The following DENND5A variants were observed in gnomAD, a reference collection of about 807,000 sequenced individuals.
The protein encoded by DENND5A is DENN domain-containing protein 5A.
In DENND5A, 64 loss-of-function variants were observed where a neutral mutation model predicts 140.3. The observed-to-expected ratio is 0.46, with a 90% CI of 0.37 to 0.56. The LOEUF (loss-of-function observed/expected upper bound fraction) is 0.56. Ranked by LOEUF, DENND5A falls within the 20% of genes least tolerant of loss-of-function variation. DENND5A has a pLI of 0.00. For missense variants in DENND5A, 1,292 were observed against 1,593.8 expected, an observed-to-expected ratio of 0.81 and a Z score of 3.22; for synonymous variants, 605 against 607.7, an observed-to-expected ratio of 1.00 and a Z score of 0.07.
intron 1 of DENND5A, among the ~76,000 whole-genome samples, chr11:9,260,200 G>A (rs1363057683): frequency 6.6e-6 from 1 of 152,040 alleles, no homozygotes; most frequent in Non-Finnish European, 1.5e-5. Flanking sequence ...AGTACAAGAT[G>A]AAAGAACCTA....
Position 9,139,816 on chromosome 11 carries a change from T to C in DENND5A, c.3719A>G (p.Asp1240Gly). Residue 1240 changes from aspartate (D) to glycine (G), a missense_variant, in exon 23 of 23, where the codon GAC (aspartate) becomes GGC (glycine). Physicochemically the swap from Asp to Gly is moderately conservative, Grantham distance 94. Around this residue, in one of 4 missense-constraint regions of DENND5A, gnomAD observed 498 missense variants for 689.7 expected, o/e 0.72. Coordinates refer to ENST00000328194, the MANE Select transcript of DENND5A (RefSeq NM_015213.4). ...LLHHWIALLA[D>G]CPITAHMYED... ...ATACATGTGTGCAGTGATGGGGCAG[T>C]CAGCCAGCAGGGCAATCCAGTGGTG... The C allele has an allele frequency of 2.5e-6, 4 of 1,614,116 alleles. No homozygotes were observed. The highest frequency in any genetic ancestry group is 3.4e-6 in the Non-Finnish European group (4 of 1,180,028).
intron 1 of DENND5A, among the ~76,000 whole-genome samples, chr11:9,230,235 T>G (rs1224085965): frequency 1.5e-5 from 1 of 66,102 alleles, no homozygotes. Flanking sequence ...TAATGCTTTT[T>G]TTTTTTTTTT....
At chr11:9,208,292 G>T (rs1441003870) in intron 1 of DENND5A, among the ~76,000 whole-genome samples, 2 of 152,322 alleles carry the variant, frequency 1.3e-5, no homozygotes, top group South Asian at 4.1e-4. Flanking sequence ...TTTCACCTAC[G>T]TGGCCTAACC....
At chr11:9,181,851 CCTCT>C (rs1848742894) in intron 5 of DENND5A, among the ~76,000 whole-genome samples, 1 of 152,118 alleles carries the variant, frequency 6.6e-6, no homozygotes, top group South Asian at 2.1e-4. Flanking sequence ...TTATGATCTC[CCTCT>C]ATGACCCTGG....
At chr11:9,251,168 T>C (rs1209566242) in intron 1 of DENND5A, among the ~76,000 whole-genome samples, 5 of 147,740 alleles carry the variant, frequency 3.4e-5, no homozygotes, top group Non-Finnish European at 7.4e-5. Flanking sequence ...GAAAGAAAGA[T>C]ATCAAGGAAT....
intron 8 of DENND5A, chr11:9,171,489 A>G (rs1208059113): frequency 1.3e-5 from 2 of 152,240 alleles, no homozygotes; most frequent in Non-Finnish European, 2.9e-5. Flanking sequence ...ACTACATCCC[A>G]GAACAAAGAC....
chr11:9,140,100 G>A (rs913353166), intron 22 of DENND5A: 40 of 1,359,322 alleles, frequency 2.9e-5, no homozygotes, highest in South Asian at 1.0e-4. Context: ...TGCCTCCCTC[G>A]CCCTGCCTAG....
At chr11:9,257,172 G>A (rs1247139561) in intron 1 of DENND5A, among the ~76,000 whole-genome samples, 3 of 151,846 alleles carry the variant, frequency 2.0e-5, no homozygotes, top group African/African-American at 4.8e-5. Context: ...ACCACGCCCG[G>A]CTAATTTTTG....
chr11:9,139,504 A>T lies in DENND5A; in HGVS notation c.*167T>A. The T allele has an allele frequency of 1.5e-6, 1 of 653,638 alleles. No homozygotes were observed. Among genetic ancestry groups the T allele is most frequent in the South Asian group, 2.2e-5 (1 of 46,302 alleles). The allele number at this position is 653,638 out of a possible 1,614,324, so 40.5% of individuals were successfully genotyped here. On this transcript the variant is annotated 3_prime_UTR_variant, in exon 23 of 23. Transcript: ENST00000328194. ...GTGTGTAAAAAGCAAATCAGCAAAT[A>T]AACTCTAAAATAGATTATTTATTCC...
At chr11:9,144,577 G>A (rs897832611) in intron 18 of DENND5A, among the ~76,000 whole-genome samples, 2 of 152,030 alleles carry the variant, frequency 1.3e-5, no homozygotes, top group African/African-American at 2.4e-5. Flanking sequence ...GATCACCTGC[G>A]GTCAGGAGTT....
At chr11:9,243,953 A>G (rs1375582133) in intron 1 of DENND5A, among the ~76,000 whole-genome samples, 1 of 152,138 alleles carries the variant, frequency 6.6e-6, no homozygotes, top group Admixed American at 6.6e-5. Flanking sequence ...TTATTGTGAG[A>G]CTACAGTATA....
At chr11:9,152,234 A>C (rs1564883702) in intron 13 of DENND5A, 124 bp downstream of exon 13, 1 of 774,008 alleles carries the variant, frequency 1.3e-6, no homozygotes, top group Non-Finnish European at 2.3e-6. Flanking sequence ...TCCATATTTA[A>C]AAGAGAAAAC....
intron 22 of DENND5A, among the ~76,000 whole-genome samples, chr11:9,140,980 G>A (rs1486504594): frequency 1.3e-5 from 2 of 152,112 alleles, no homozygotes; most frequent in Non-Finnish European, 2.9e-5. Flanking sequence ...TACAAAACTA[G>A]CCAGGCGTGA....
At position 9,142,797 on chromosome 11, in the gene DENND5A, C is replaced by G. The variant is rs1468493182; in HGVS notation, c.3436G>C (p.Ala1146Pro). Residue 1146 changes from alanine (A) to proline (P), a missense_variant, in exon 21 of 23, where the codon GCC becomes CCC. Physicochemically the swap from Ala to Pro is conservative, Grantham distance 27. Coordinates refer to ENST00000328194, the MANE Select transcript of DENND5A (RefSeq NM_015213.4). ...CCATGCTGGAAAGCCTGTTCCAAGG[C>G]CGAGACAAGGCCACACTCTCCACAG... ...LLCGECGLVS[A>P]LEQAFQHGFK... 1 of 1,614,052 alleles carries G rather than the reference C, an allele frequency of 6.2e-7. No individual in the cohort carries two copies. Among genetic ancestry groups the G allele is most frequent in the Non-Finnish European group, 8.5e-7 (1 of 1,180,042 alleles).
chr11:9,225,536 G>A (rs149523298), intron 1 of DENND5A, among the ~76,000 whole-genome samples: 8 of 152,262 alleles, frequency 5.3e-5, no homozygotes, highest in Middle Eastern at 3.4e-3. Flanking sequence ...GAAGCCAGCC[G>A]ATCACTTGTG....
intron 5 of DENND5A, among the ~76,000 whole-genome samples, chr11:9,186,976 C>A (rs1329847091): frequency 6.6e-6 from 1 of 152,012 alleles, no homozygotes; most frequent in South Asian, 2.1e-4. Flanking sequence ...CCCAGCTACT[C>A]GGGAGACTGA....
intron 5 of DENND5A, among the ~76,000 whole-genome samples, chr11:9,191,852 T>C (rs1404880015): frequency 6.6e-6 from 1 of 152,224 alleles, no homozygotes; most frequent in African/African-American, 2.4e-5. Context: ...GAATCATAAT[T>C]AGGTTGACTA....
intron 6 of DENND5A, among the ~76,000 whole-genome samples, chr11:9,179,688 G>A (rs945836847): frequency 3.3e-5 from 5 of 151,862 alleles, no homozygotes; most frequent in Non-Finnish European, 2.9e-5. Flanking sequence ...CAGTAGAGAC[G>A]GGGTGTCTCC....
chr11:9,200,914 C>G (rs1849499672), intron 4 of DENND5A, among the ~76,000 whole-genome samples: 1 of 152,180 alleles, frequency 6.6e-6, no homozygotes, highest in African/African-American at 2.4e-5. Context: ...TATATACCAG[C>G]CACAGTTTTA....
Sources: gnomAD v4.1 joint callset for allele counts (sites outside exome capture counted in the v4.1 genomes callset) on GRCh38, gnomAD v4.1.1 for gene constraint, gnomAD v4.1.1 regional missense constraint, MANE v1.5 for transcripts, NCBI Gene and HGNC (gene_info 2026-07-23, HGNC 2026-07-21) for gene names.